The following GHR variants were observed in gnomAD, a reference collection of about 807,000 sequenced individuals.
The protein encoded by GHR is GH receptor.
GHR carries 35 observed loss-of-function variants against 67.1 expected under a neutral mutation model. The ratio of observed to expected loss-of-function variants is 0.52; its 90% CI spans 0.40 to 0.69. The LOEUF (loss-of-function observed/expected upper bound fraction) is 0.69. GHR is among the 30% of genes least tolerant of loss of function. The pLI, the probability that GHR is intolerant of heterozygous loss-of-function variation, is 0.00. For synonymous variants in GHR, 272 were observed against 269.1 expected (o/e 1.01, Z -0.10); for missense variants, 792 against 764.6 (o/e 1.04, Z -0.42).
In GHR at chr5:42,721,585, A is replaced by C. The variant is rs2111886337; in HGVS notation, c.*2161A>C. 6.6e-6 allele frequency: 1 copy of C among 152,666 alleles called. No individual in the cohort carries two copies. Among genetic ancestry groups the C allele is most frequent in the African/African-American group, 2.4e-5 (1 of 41,538 alleles). The allele number at this position is 152,666 out of a possible 1,614,324, so 9.5% of individuals were successfully genotyped here. On this transcript the variant is annotated 3_prime_UTR_variant, in exon 10 of 10. Transcript: ENST00000230882. ...TAAAGTATCATCAGTGTAGAACCTA[A>C]TTCAATTCAAAGCTGTGTGTTTGGA... is the stretch of plus-strand genomic sequence containing the variant.
chr5:42,666,796 G>A (rs7731163), intron 3 of GHR, among the ~76,000 whole-genome samples: 15,341 of 152,162 alleles, frequency 0.1, 1,018 homozygotes, highest in African/African-American at 0.18. Context: ...CCCAGGTGAT[G>A]CTTGTTCACA....
rs1376987955 is a variant in GHR at position 42,474,705 on chromosome 5, A to G, written c.-12+50750A>G. 2.6e-5 allele frequency among the ~76,000 whole-genome samples: 4 copies of G among 152,288 alleles called. No homozygotes were observed. In the East Asian group the frequency reaches 5.8e-4, roughly 22 times the overall value. On this transcript the variant is annotated intron_variant, in intron 1 of 9. Coordinates refer to ENST00000230882, the MANE Select transcript of GHR (RefSeq NM_000163.5). ...GAAGAGGAACATTTTGATAATATGT[A>G]CTCTATACAAACAGAATGCTTATAC...
At chr5:42,454,238 G>A (rs910788958) in intron 1 of GHR, among the ~76,000 whole-genome samples, 1 of 152,202 alleles carries the variant, frequency 6.6e-6, no homozygotes, top group East Asian at 1.9e-4. Context: ...ATCCCTGATT[G>A]TAGATAGGTG....
intron 2 of GHR, among the ~76,000 whole-genome samples, chr5:42,572,777 G>C (rs574987559): frequency 4.7e-4 from 71 of 152,330 alleles, no homozygotes; most frequent in African/African-American, 1.7e-3. Context: ...GGTATTAGAA[G>C]ATGGTGGATC....
chr5:42,555,785 A>T (rs757570547), intron 1 of GHR, among the ~76,000 whole-genome samples: 4 of 152,218 alleles, frequency 2.6e-5, no homozygotes, highest in Non-Finnish European at 5.9e-5. Flanking sequence ...AGACACAGCT[A>T]CTGCTTCCAG....
chr5:42,686,423 T>G (rs920251703), intron 3 of GHR, among the ~76,000 whole-genome samples: 1 of 152,102 alleles, frequency 6.6e-6, no homozygotes, highest in Non-Finnish European at 1.5e-5. Flanking sequence ...GATGCAAAAA[T>G]CCTCAATAAA....
intron 1 of GHR, among the ~76,000 whole-genome samples, chr5:42,534,307 T>A (rs1332539408): frequency 7.2e-6 from 1 of 138,862 alleles, no homozygotes; most frequent in Non-Finnish European, 1.5e-5. Context: ...TATGTGTATA[T>A]ATGTATGTAT....
At chr5:42,581,940 G>A (rs1302732377) in intron 2 of GHR, among the ~76,000 whole-genome samples, 1 of 152,236 alleles carries the variant, frequency 6.6e-6, no homozygotes, top group Non-Finnish European at 1.5e-5. Flanking sequence ...CCCTGCACCT[G>A]CACCCAGCAC....
chr5:42,595,221 C>T (rs2112609914), intron 2 of GHR, among the ~76,000 whole-genome samples: 1 of 152,276 alleles, frequency 6.6e-6, no homozygotes, highest in South Asian at 2.1e-4. Context: ...TAAGAAGCAG[C>T]CCTATGAAAT....
chr5:42,474,869 CTTTTTTTTTTTTTGCCCTTTT>C (rs948414255), intron 1 of GHR, among the ~76,000 whole-genome samples: 1 of 106,674 alleles, frequency 9.4e-6, no homozygotes, highest in African/African-American at 3.4e-5. Context: ...ACATTTTTTT[CTTTTTTTTTTTTTGCCCTTTT>C]TTTTTTTTTT....
At chr5:42,680,970 T>G (rs902928917) in intron 3 of GHR, among the ~76,000 whole-genome samples, 2 of 152,006 alleles carry the variant, frequency 1.3e-5, no homozygotes, top group African/African-American at 4.8e-5. Flanking sequence ...TCAAGATGGA[T>G]TAAAGACTTA....
chr5:42,705,531 G>A (rs1457468652), intron 6 of GHR, among the ~76,000 whole-genome samples: 1 of 152,044 alleles, frequency 6.6e-6, no homozygotes, highest in Non-Finnish European at 1.5e-5. Flanking sequence ...CCAGAAGGTA[G>A]TTTTTTGATC....
At chr5:42,447,212 G>T (rs1218297947) in intron 1 of GHR, among the ~76,000 whole-genome samples, 3 of 151,806 alleles carry the variant, frequency 2.0e-5, no homozygotes, top group African/African-American at 7.3e-5. Flanking sequence ...AAGTTCTTTA[G>T]CGGTGATGTC....
chr5:42,552,955 A>G (rs962707611), intron 1 of GHR, among the ~76,000 whole-genome samples: 5 of 152,210 alleles, frequency 3.3e-5, no homozygotes, highest in Admixed American at 1.3e-4. Flanking sequence ...TGATGGAACT[A>G]AGTTTTCTCT....
chr5:42,656,149 C>G (rs1755244420), intron 3 of GHR, among the ~76,000 whole-genome samples: 1 of 152,158 alleles, frequency 6.6e-6, no homozygotes, highest in Non-Finnish European at 1.5e-5. Flanking sequence ...AACAACCCCT[C>G]TGAACGGTAA....
At chr5:42,436,991 T>G in intron 1 of GHR, among the ~76,000 whole-genome samples, 1 of 152,248 alleles carries the variant, frequency 6.6e-6, no homozygotes, top group Non-Finnish European at 1.5e-5. Flanking sequence ...TAGGGTTTTT[T>G]GTTTATTTTT....
chr5:42,475,898 A>G (rs1422073446), intron 1 of GHR, among the ~76,000 whole-genome samples: 1 of 148,492 alleles, frequency 6.7e-6, no homozygotes, highest in Non-Finnish European at 1.5e-5. Flanking sequence ...CAGATTCATC[A>G]GATTAAAAAT....
intron 2 of GHR, among the ~76,000 whole-genome samples, chr5:42,582,443 A>G (rs1227172313): frequency 6.6e-6 from 1 of 152,236 alleles, no homozygotes; most frequent in Non-Finnish European, 1.5e-5. Flanking sequence ...TGTCGGGATG[A>G]CCTGCCTATG....
chr5:42,574,646 G>A (rs1750544681), intron 2 of GHR, among the ~76,000 whole-genome samples: 2 of 152,136 alleles, frequency 1.3e-5, no homozygotes, highest in Admixed American at 6.5e-5. Flanking sequence ...ATATTTGATT[G>A]CTAAAAATAT....
Sources: gnomAD v4.1 joint callset for allele counts (sites outside exome capture counted in the v4.1 genomes callset) on GRCh38, gnomAD v4.1.1 for gene constraint, MANE v1.5 for transcripts, NCBI Gene and HGNC (gene_info 2026-07-23, HGNC 2026-07-21) for gene names.